Variants in DPEP3 observed in about 807,000 individuals in gnomAD.
The protein encoded by DPEP3 is dipeptidase 3.
DPEP3 carries 42 observed loss-of-function variants against 47.5 expected under a neutral mutation model. The ratio of observed to expected loss-of-function variants is 0.88; its 90% CI spans 0.69 to 1.14. The LOEUF (loss-of-function observed/expected upper bound fraction) is 1.14. Among genes scored for constraint, DPEP3 ranks in the 50% most tolerant of loss-of-function variants. DPEP3 has a pLI of 0.00. For synonymous variants in DPEP3, 276 were observed against 270.2 expected, an observed-to-expected ratio of 1.02 and a Z score of -0.21; for missense variants, 560 against 635.0, an observed-to-expected ratio of 0.88 and a Z score of 1.27.
At position 67,979,768 on chromosome 16, in the gene DPEP3, G is replaced by C. The variant is rs780098137; in HGVS notation, c.288-3C>G. 3.1e-6 allele frequency: 5 copies of C among 1,613,396 alleles called. No individual in the cohort carries two copies. In the South Asian group the frequency reaches 4.4e-5, roughly 14 times the overall value. Reference sequence around the variant, plus strand: ...GGACCTGGGGCAGGTCATTGTGGCTGGGGGTGTGAAGGTCAGATGGAAACA... The same window carrying C: ...GGACCTGGGGCAGGTCATTGTGGCTCGGGGTGTGAAGGTCAGATGGAAACA... On this transcript the variant is annotated splice_polypyrimidine_tract_variant and splice_region_variant and intron_variant, in intron 1 of 9. Transcript: ENST00000268793.
chr16:67,976,349 T>G, intron 8 of DPEP3, 121 bp from the exon 9 acceptor site: 3 of 1,388,820 alleles, frequency 2.2e-6, no homozygotes, highest in South Asian at 2.8e-5. Context: ...GGCTAGTGAA[T>G]GCAACCTTGG....
Position 67,975,859 on chromosome 16 carries a change from C to T in DPEP3, c.1373G>A (p.Arg458Gln), listed in dbSNP as rs776489594. 192 of 1,613,730 alleles carry T rather than the reference C, an allele frequency of 1.2e-4. 1 individual carries two copies. The highest frequency in any genetic ancestry group is 2.5e-4 in the Admixed American group (15 of 59,976). ...GGCATTTGAGGACCTCCAGGGGACC[C>T]GATTGGTTGGCTGCTTGGTCACCTC... is the stretch of plus-strand genomic sequence containing the variant. ...HLEVTKQPTN[R>Q]VPWRSSNASP... The change falls in exon 10 of 10, where the codon CGG (arginine) becomes CAG (glutamine). Residue 458 changes from arginine (R) to glutamine (Q), a missense_variant. Transcript: ENST00000268793.
Position 67,978,363 on chromosome 16 carries a change from C to T in DPEP3, c.590G>A (p.Gly197Asp), listed in dbSNP as rs1333778779. The T allele has an allele frequency of 6.2e-7, 1 of 1,613,970 alleles. No homozygotes were observed. Among genetic ancestry groups the T allele is most frequent in the Non-Finnish European group, 8.5e-7 (1 of 1,179,954 alleles). The change falls in exon 4 of 10, where the codon GGT becomes GAT. Residue 197 changes from glycine (G) to aspartate (D), a missense_variant. Coordinates refer to ENST00000268793, the MANE Select transcript of DPEP3 (RefSeq NM_001370198.1). The surrounding 1 kb of genome is among the most constrained non-coding windows in gnomAD (Gnocchi z 4.4). The stretch of plus-strand genomic sequence containing the variant: ...GAGGCTGCTGTCCAGTGAGTGACCA[C>T]CCTCCACGCCAATGAGGCAGGCCAG... The part of the protein sequence containing the change: ...QKLACLIGVE[G>D]GHSLDSSLSV...
rs777752291 is a variant in DPEP3, at chr16:67,975,831, G to A, written c.1401C>T (p.Ser467=). The A allele has an allele frequency of 5.6e-6, 9 of 1,613,948 alleles. No individual in the cohort carries two copies. Among genetic ancestry groups the A allele is most frequent in the South Asian group, 1.1e-5 (1 of 91,066 alleles). ...NRVPWRSSNA[S]PYLVPGLVAA... is the part of the protein sequence containing the mutation. ...CCACAAGGCCTGGAACAAGGTATGG[G>A]GAGGCATTTGAGGACCTCCAGGGGA... The change falls in exon 10 of 10, where the codon TCC becomes TCT. Residue 467 remains serine (S), a synonymous_variant. Coordinates refer to ENST00000268793, the MANE Select transcript of DPEP3 (RefSeq NM_001370198.1).
In DPEP3 at chr16:67,980,191, G is replaced by A. The variant is rs2151350850; in HGVS notation, c.190C>T (p.Leu64Phe). The A allele has an allele frequency of 6.2e-7, 1 of 1,610,782 alleles. No individual in the cohort carries two copies. The highest frequency in any genetic ancestry group is 2.2e-5 in the East Asian group (1 of 44,836). Reference protein sequence around the residue: ...LFTTPGVPSALTTPGLTTPGT... With the variant: ...LFTTPGVPSAFTTPGLTTPGT... The stretch of plus-strand genomic sequence containing the variant: ...GGCGTAGTGAGGCCTGGGGTAGTGA[G>A]GGCGCTGGGGACACCCGGCGTGGTG... The change falls in exon 1 of 10, where the codon CTC becomes TTC. Residue 64 changes from leucine to phenylalanine, a missense_variant. By Grantham distance (22) the Leu-to-Phe change is conservative (BLOSUM62 0). Coordinates refer to ENST00000268793, the MANE Select transcript of DPEP3 (RefSeq NM_001370198.1).
intron 1 of DPEP3, 73 bp from the exon 2 acceptor site, chr16:67,979,838 C>T (rs1567435066): frequency 1.3e-6 from 2 of 1,576,976 alleles, no homozygotes; most frequent in East Asian, 2.3e-5. Context: ...TGGGTCTACC[C>T]TCCTCCACCC....
chr16:67,979,940 G>A (rs1175719941), intron 1 of DPEP3, among the ~76,000 whole-genome samples, 154 bp downstream of exon 1: 6 of 152,230 alleles, frequency 3.9e-5, no homozygotes, highest in South Asian at 2.1e-4. Context: ...GGAGTAATGC[G>A]GGGAAGGGCA....
intron 8 of DPEP3, 53 bp from the exon 9 acceptor site, chr16:67,976,281 G>A: frequency 6.2e-7 from 1 of 1,604,712 alleles, no homozygotes; most frequent in Non-Finnish European, 8.5e-7. Context: ...ATCCTGGGTT[G>A]GGGCCCGCTG....
At chr16:67,977,215 G>A in intron 7 of DPEP3, 55 bp downstream of exon 7, 1 of 1,540,380 alleles carries the variant, frequency 6.5e-7, no homozygotes, top group Non-Finnish European at 8.9e-7. Context: ...TCGTCCTGAG[G>A]GCCCTGGCAG....
Position 67,979,684 on chromosome 16 carries a change from A to C in DPEP3, c.369T>G (p.Gly123=), listed in dbSNP as rs768284113. The change falls in exon 2 of 10, where the codon GGT becomes GGG. Residue 123 remains glycine, a synonymous_variant. Coordinates refer to ENST00000268793, the MANE Select transcript of DPEP3 (RefSeq NM_001370198.1). ...QDVNLRNFSH[G]QTSLDRLRDG... is the part of the protein sequence containing the mutation. Reference sequence around the variant, plus strand: ...CTCTAAGCCTGTCCAGGCTGGTCTGACCATGGCTGAAATTTCGCAGGTTAA... The same window carrying C: ...CTCTAAGCCTGTCCAGGCTGGTCTGCCCATGGCTGAAATTTCGCAGGTTAA... 1.9e-6 allele frequency: 3 copies of C among 1,614,016 alleles called. No individual in the cohort carries two copies. The African/African-American group carries it at 4.0e-5, about 22-fold the overall frequency.
chr16:67,977,597 G>C (rs1410638903), intron 6 of DPEP3, 56 bp downstream of exon 6: 2 of 1,549,954 alleles, frequency 1.3e-6, no homozygotes, highest in East Asian at 4.7e-5. Context: ...TTGTGCTCAG[G>C]GTCAAGAACC....
Position 67,978,443 on chromosome 16 carries a change from C to A in DPEP3, c.545-35G>T. 1 of 1,614,016 alleles carries A rather than the reference C, an allele frequency of 6.2e-7. No individual in the cohort carries two copies. Among genetic ancestry groups the A allele is most frequent in the South Asian group, 1.1e-5 (1 of 91,092 alleles). On this transcript the variant is annotated intron_variant, in intron 3 of 9. Transcript: ENST00000268793. The surrounding 1 kb of genome is among the most constrained non-coding windows in gnomAD (Gnocchi z 4.4). ...GGTAGAGAGTCAAGTGGTTAGATCC[C>A]AGGAACAGAACCTCCAGAGTGACAT...
Position 67,977,283 on chromosome 16 carries a change from C to T in DPEP3, c.1005G>A (p.Val335=), listed in dbSNP as rs756583138. The part of the protein sequence containing the change: ...GVLQCNLLAN[V]STVADHFDHI... ...GGTGGGACTTACCTGCCACAGTGGACACGTTAGCAAGCAGGTTGCACTGCA... is the reference window on the plus strand; with the variant it reads ...GGTGGGACTTACCTGCCACAGTGGATACGTTAGCAAGCAGGTTGCACTGCA... Residue 335 remains valine (V), a synonymous_variant, in exon 7 of 10, where the codon GTG becomes GTA. Coordinates refer to ENST00000268793, the MANE Select transcript of DPEP3 (RefSeq NM_001370198.1). 1 of 1,613,854 alleles carries T rather than the reference C, an allele frequency of 6.2e-7. No individual in the cohort carries two copies. The highest frequency in any genetic ancestry group is 1.7e-5 in the Admixed American group (1 of 59,998).
In DPEP3 at chr16:67,980,397, C is replaced by A; in HGVS notation, c.-17G>T. On this transcript the variant is annotated 5_prime_UTR_variant, in exon 1 of 10. Transcript: ENST00000268793. ...GGGCTGCATGTTGCGCGGGGGTCGG[C>A]CGCGGGAGCCTGGGAGGAGCAGGCG... The A allele has an allele frequency of 2.0e-6, 3 of 1,505,410 alleles. No homozygotes were observed. Among genetic ancestry groups the A allele is most frequent in the Non-Finnish European group, 2.7e-6 (3 of 1,127,366 alleles). 93.3% of individuals were successfully genotyped at this position (1,505,410 alleles called of 1,614,324 possible). A position where few individuals can be genotyped will look rare whatever the true frequency, so the allele number is the denominator to read the frequency against.
At position 67,975,983 on chromosome 16, in the gene DPEP3, C is replaced by T. The variant is rs1341364700; in HGVS notation, c.1249G>A (p.Ala417Thr). ...AACTCAGCCTCCACGGGGCTCTGCG[C>T]CCTGCTCTCCTCTCTCACCTGGGGG... ...QVEKVREESR[A>T]QSPVEAEFPY... Residue 417 changes from alanine to threonine, a missense_variant, in exon 10 of 10, where the codon GCG becomes ACG. Physicochemically the swap from Ala to Thr is moderately conservative, Grantham distance 58 (BLOSUM62 0). Transcript: ENST00000268793. 2.5e-6 allele frequency: 4 copies of T among 1,613,984 alleles called. No homozygotes were observed. The highest frequency in any genetic ancestry group is 3.4e-6 in the Non-Finnish European group (4 of 1,179,862).
chr16:67,980,238 G>A lies in DPEP3; in HGVS notation c.143C>T (p.Thr48Met). Residue 48 changes from threonine to methionine, a missense_variant, in exon 1 of 10, where the codon ACG (threonine) becomes ATG (methionine). Transcript: ENST00000268793. ...GGTGAAGAGGCTGGGGGAGCCCAGCGTGGAGAGGGCTCTGGGGGCGCCCGG... is the reference window on the plus strand; with the variant it reads ...GGTGAAGAGGCTGGGGGAGCCCAGCATGGAGAGGGCTCTGGGGGCGCCCGG... ...TTPGAPRALS[T>M]LGSPSLFTTP... 6.2e-7 allele frequency: 1 copy of A among 1,608,196 alleles called. No individual in the cohort carries two copies. The highest frequency in any genetic ancestry group is 8.5e-7 in the Non-Finnish European group (1 of 1,177,844).
intron 6 of DPEP3, 116 bp downstream of exon 6, chr16:67,977,537 G>T: frequency 2.9e-6 from 4 of 1,369,210 alleles, no homozygotes; most frequent in Non-Finnish European, 3.0e-6. Flanking sequence ...GGATGGAGGA[G>T]GATTAACCAG....
At position 67,978,779 on chromosome 16, in the gene DPEP3, A is replaced by T. The variant is rs984327635; in HGVS notation, c.415-153T>A. Among the ~76,000 whole-genome samples, 13 of 152,118 alleles carry T rather than the reference A, an allele frequency of 8.5e-5. No homozygotes were observed. Among genetic ancestry groups the T allele is most frequent in the Admixed American group, 6.5e-5 (1 of 15,274 alleles). On this transcript the variant is annotated intron_variant, in intron 2 of 9. Transcript: ENST00000268793. This position sits in a 1 kb window ranked among gnomAD's most constrained non-coding sequence, Gnocchi z 4.4. The stretch of plus-strand genomic sequence containing the variant: ...CCATGGTACCTTGATGACTTTTTTT[A>T]AAATTATTTTTTATTTTTATTTTAA...
At chr16:67,977,582 T>G (rs2031224427) in intron 6 of DPEP3, 71 bp downstream of exon 6, 2 of 1,517,586 alleles carry the variant, frequency 1.3e-6, no homozygotes, top group African/African-American at 2.8e-5. Context: ...CCTGGGCTGG[T>G]GGCTTTGTGC....
Sources: gnomAD v4.1 joint callset for allele counts (sites outside exome capture counted in the v4.1 genomes callset) on GRCh38, gnomAD v4.1.1 for gene constraint, Gnocchi (gnomAD v3.1) non-coding constraint, MANE v1.5 for transcripts, NCBI Gene and HGNC (gene_info 2026-07-23, HGNC 2026-07-21) for gene names.